PKP4: variants seen among roughly 807,000 people sequenced by gnomAD.
The protein encoded by PKP4 is plakophilin 4, also known as plakophilin-4.
In PKP4, 90 loss-of-function variants were observed where a neutral mutation model predicts 145.1. The observed-to-expected ratio is 0.62, with a 90% CI of 0.52 to 0.74. PKP4 has a LOEUF of 0.74. PKP4 is among the 30% of genes least tolerant of loss of function. PKP4 has a pLI of 0.00. For synonymous variants in PKP4, 563 were observed against 577.2 expected (o/e 0.98, Z 0.35); for missense variants, 1,340 against 1,482.7 (o/e 0.90, Z 1.58).
chr2:158,606,980 C>T (rs887472894), intron 4 of PKP4, among the ~76,000 whole-genome samples: 1 of 151,968 alleles, frequency 6.6e-6, no homozygotes, highest in Non-Finnish European at 1.5e-5. Flanking sequence ...CAGATTTTTT[C>T]TTATTTTTTA....
chr2:158,569,481 A>G (rs1274698018), intron 2 of PKP4, among the ~76,000 whole-genome samples: 4 of 152,184 alleles, frequency 2.6e-5, no homozygotes, highest in Admixed American at 6.5e-5. Context: ...AAGTGATGCA[A>G]TGTCAGCAGT....
At chr2:158,551,066 CATTATTATTTTCACT>C (rs1559311070) in intron 2 of PKP4, among the ~76,000 whole-genome samples, 1 of 152,126 alleles carries the variant, frequency 6.6e-6, no homozygotes, top group Non-Finnish European at 1.5e-5. Flanking sequence ...ACTTAGTTGT[CATTATTATTTTCACT>C]ATTAAGTATT....
intron 11 of PKP4, among the ~76,000 whole-genome samples, chr2:158,656,281 A>G (rs1575001993): frequency 6.6e-6 from 1 of 152,202 alleles, no homozygotes; most frequent in African/African-American, 2.4e-5. Context: ...AGCATGGCCA[A>G]TTTTCTAAGA....
intron 4 of PKP4, among the ~76,000 whole-genome samples, chr2:158,612,906 T>C (rs1237777944): frequency 1.3e-5 from 2 of 152,184 alleles, no homozygotes; most frequent in African/African-American, 4.8e-5. Context: ...TACTGTTTCC[T>C]GTCAGTTTGG....
intron 1 of PKP4, among the ~76,000 whole-genome samples, chr2:158,505,567 C>T (rs1017117155): frequency 3.3e-5 from 5 of 151,930 alleles, no homozygotes; most frequent in African/African-American, 1.2e-4. Context: ...GTAGCTTTCT[C>T]CTTGAGATTG....
intron 12 of PKP4, 167 bp from the exon 13 acceptor site, chr2:158,661,166 C>A: frequency 1.8e-6 from 1 of 540,924 alleles, no homozygotes; most frequent in South Asian, 2.1e-5. Context: ...GGGGAGCGGG[C>A]CATCATTGTG....
chr2:158,511,684 C>T (rs1861984), intron 1 of PKP4, among the ~76,000 whole-genome samples: 59,224 of 151,876 alleles, frequency 0.39, 12,459 homozygotes, highest in East Asian at 0.68. Context: ...AGAGCCCTGC[C>T]AACCAATTAG....
intron 1 of PKP4, among the ~76,000 whole-genome samples, chr2:158,502,127 GATC>G (rs1696672941): frequency 6.6e-6 from 1 of 152,100 alleles, no homozygotes; most frequent in Admixed American, 6.5e-5. Context: ...CTGAAGAGTA[GATC>G]ATCCACTTGG....
At chr2:158,576,902 A>T (rs957422625) in intron 2 of PKP4, among the ~76,000 whole-genome samples, 1 of 152,206 alleles carries the variant, frequency 6.6e-6, no homozygotes, top group African/African-American at 2.4e-5. Flanking sequence ...AGAAATATAA[A>T]AACTAGCCAT....
At chr2:158,601,221 G>C (rs994004288) in intron 3 of PKP4, among the ~76,000 whole-genome samples, 1 of 152,058 alleles carries the variant, frequency 6.6e-6, no homozygotes, top group Non-Finnish European at 1.5e-5. Context: ...ACAGTTTTGA[G>C]GATAAAAAGT....
In PKP4 at chr2:158,680,843, A is replaced by T; in HGVS notation, c.*166A>T. 2 of 636,716 alleles carry T rather than the reference A, an allele frequency of 3.1e-6. No homozygotes were observed. The allele number at this position is 636,716 out of a possible 1,614,324, so 39.4% of individuals were successfully genotyped here. ...GAGGAATTATCAGGGAAGTGAGGAAATGTTTGGGAGAGGACTTTCTAAGCT... is the reference window on the plus strand; with the variant it reads ...GAGGAATTATCAGGGAAGTGAGGAATTGTTTGGGAGAGGACTTTCTAAGCT... On this transcript the variant is annotated 3_prime_UTR_variant, in exon 22 of 22. Coordinates refer to ENST00000389759, the MANE Select transcript of PKP4 (RefSeq NM_003628.6).
At position 158,634,113 on chromosome 2, in the gene PKP4, C is replaced by G. The variant is rs766620640; in HGVS notation, c.1386C>G (p.Thr462=). Residue 462 remains threonine (T), a synonymous_variant, in exon 9 of 22, where the codon ACC becomes ACG. Transcript: ENST00000389759. ...NLQRTSSQRS[T]LTYQRNNYAL... is the part of the protein sequence containing the mutation. Reference sequence around the variant, plus strand: ...AAAGGACATCCAGCCAACGAAGTACCCTTACATACCAAAGAAATAATTATG... The same window carrying G: ...AAAGGACATCCAGCCAACGAAGTACGCTTACATACCAAAGAAATAATTATG... The G allele has an allele frequency of 1.2e-6, 2 of 1,613,852 alleles. No homozygotes were observed. The highest frequency in any genetic ancestry group is 2.2e-5 in the East Asian group (1 of 44,880).
chr2:158,658,510 T>C (rs17826810), intron 12 of PKP4, 196 bp downstream of exon 12: 12,324 of 486,828 alleles, frequency 0.025, 253 homozygotes, highest in South Asian at 0.052. Context: ...AGAAGTTATC[T>C]TGTAAATGAC....
At chr2:158,516,390 A>C (rs1425846438) in intron 1 of PKP4, among the ~76,000 whole-genome samples, 1 of 152,192 alleles carries the variant, frequency 6.6e-6, no homozygotes, top group Admixed American at 6.5e-5. Flanking sequence ...TGCTAACCAT[A>C]GGAACCTCAT....
rs1433547726 is a variant in PKP4 at position 158,474,945 on chromosome 2, T to C, written c.-6+17727T>C. ...AACATTTAGCAATTTGCTAAACATT[T>C]TTAACTCAGTTCTTTTTACTAGTGT... On this transcript the variant is annotated intron_variant, in intron 1 of 21. Coordinates refer to ENST00000389759, the MANE Select transcript of PKP4 (RefSeq NM_003628.6). 2.0e-5 allele frequency among the ~76,000 whole-genome samples: 3 copies of C among 152,338 alleles called. No individual in the cohort carries two copies. In the East Asian group the frequency reaches 5.8e-4, roughly 29 times the overall value.
At chr2:158,533,073 G>T in intron 1 of PKP4, 107 bp from the exon 2 acceptor site, 4 of 1,118,432 alleles carry the variant, frequency 3.6e-6, no homozygotes, top group East Asian at 5.3e-5. Context: ...TTTGATCATG[G>T]TGTGTAGACT....
chr2:158,473,773 C>G (rs1691992818), intron 1 of PKP4, among the ~76,000 whole-genome samples: 1 of 152,130 alleles, frequency 6.6e-6, no homozygotes, highest in Non-Finnish European at 1.5e-5. Context: ...ACCTACATAA[C>G]CTTCACATGT....
intron 10 of PKP4, 87 bp downstream of exon 10, chr2:158,640,846 A>T: frequency 2.1e-6 from 3 of 1,399,000 alleles, no homozygotes; most frequent in Non-Finnish European, 3.0e-6. Context: ...GAAATTACCC[A>T]GTGTAATTCA....
chr2:158,632,357 G>A (rs1225876616), intron 8 of PKP4: 2 of 185,194 alleles, frequency 1.1e-5, no homozygotes, highest in Non-Finnish European at 2.3e-5. Context: ...TGAAGCCCAA[G>A]TGTATTTGGC....
Sources: allele counts gnomAD v4.1 joint callset (sites outside exome capture counted in the v4.1 genomes callset), GRCh38; gene constraint gnomAD v4.1.1; transcripts MANE v1.5; gene names NCBI Gene and HGNC (gene_info 2026-07-23, HGNC 2026-07-21).